The following REV3L variants were observed in gnomAD, a reference collection of about 807,000 sequenced individuals.
REV3L encodes DNA polymerase zeta catalytic subunit.
REV3L carries 69 observed loss-of-function variants against 299.4 expected under a neutral mutation model. The observed-to-expected ratio is 0.23, with a 90% CI of 0.19 to 0.28. The LOEUF (loss-of-function observed/expected upper bound fraction) is 0.28. Among genes scored for constraint, REV3L ranks in the 10% least tolerant of loss-of-function variants. REV3L has a pLI of 1.00. For missense variants in REV3L, 3,128 were observed against 3,693.8 expected (o/e 0.85, Z 3.97); for synonymous variants, 1,238 against 1,271.4 (o/e 0.97, Z 0.56).
Position 111,373,922 on chromosome 6 carries a change from C to T in REV3L, c.4433G>A (p.Gly1478Asp), listed in dbSNP as rs769725622. The change falls in exon 13 of 32, where the codon GGC becomes GAC. Residue 1478 changes from glycine to aspartate, a missense_variant. Around this residue, in one of 9 missense-constraint regions of REV3L, gnomAD observed 2,409 missense variants for 2,611.8 expected, o/e 0.92. Transcript: ENST00000368802. ...AAAATTTGACATATCTAAAATAAAG[C>T]CCCTTTGCTTTTGCTCCCATGCTAT... ...KQIAWEQKQR[G>D]FILDMSNFKP... 5 of 1,614,004 alleles carry T rather than the reference C, an allele frequency of 3.1e-6. No individual in the cohort carries two copies. The South Asian group carries it at 4.4e-5, about 14-fold the overall frequency.
intron 25 of REV3L, among the ~76,000 whole-genome samples, chr6:111,326,185 A>C (rs1471570855): frequency 2.0e-5 from 3 of 152,220 alleles, no homozygotes; most frequent in African/African-American, 7.2e-5. Context: ...TAATCAACAA[A>C]GTGAAGAGAC....
chr6:111,381,132 A>T (rs1294402122), intron 10 of REV3L, among the ~76,000 whole-genome samples, 193 bp downstream of exon 10: 1 of 152,176 alleles, frequency 6.6e-6, no homozygotes, highest in Non-Finnish European at 1.5e-5. Flanking sequence ...TCTTTCACAA[A>T]TTTTTTTAAG....
intron 4 of REV3L, among the ~76,000 whole-genome samples, chr6:111,395,130 C>T (rs374933316): frequency 8.5e-5 from 13 of 152,200 alleles, no homozygotes; most frequent in African/African-American, 3.1e-4. Context: ...ATCGTTTTGA[C>T]CTCAGGTAAT....
chr6:111,381,502 A>C, intron 9 of REV3L, 58 bp from the exon 10 acceptor site: 2 of 1,464,634 alleles, frequency 1.4e-6, no homozygotes, highest in Non-Finnish European at 9.3e-7. Context: ...AAAATTTATC[A>C]TTTAGAATTT....
In REV3L at chr6:111,309,956, A is replaced by G; in HGVS notation, c.8939T>C (p.Leu2980Pro). 1 of 1,614,154 alleles carries G rather than the reference A, an allele frequency of 6.2e-7. No individual in the cohort carries two copies. The highest frequency in any genetic ancestry group is 1.1e-5 in the South Asian group (1 of 91,084). The change falls in exon 30 of 32, where the codon CTG (leucine) becomes CCG (proline). Residue 2980 changes from leucine to proline, a missense_variant. Physicochemically the swap from Leu to Pro is moderately conservative, Grantham distance 98 (BLOSUM62 -3). Around this residue, in one of 9 missense-constraint regions of REV3L, gnomAD observed 294 missense variants for 377.0 expected, o/e 0.78. Coordinates refer to ENST00000368802, the MANE Select transcript of REV3L (RefSeq NM_001372078.1). ...VEVLQDPTLR[L>P]NATYYITKQI... Reference sequence around the variant, plus strand: ...CTTGGTAATATAGTAAGTAGCATTCAGTCTCAGAGTTGGGTCCTGCAGGAC... The same window carrying G: ...CTTGGTAATATAGTAAGTAGCATTCGGTCTCAGAGTTGGGTCCTGCAGGAC...
Position 111,299,258 on chromosome 6 carries a change from T to G in REV3L, c.*758A>C, listed in dbSNP as rs561085973. 2 of 152,578 alleles carry G rather than the reference T, an allele frequency of 1.3e-5. No homozygotes were observed. The highest frequency in any genetic ancestry group is 3.8e-4 in the East Asian group (2 of 5,200). 9.5% of individuals were successfully genotyped at this position (152,578 alleles called of 1,614,324 possible). On this transcript the variant is annotated 3_prime_UTR_variant, in exon 32 of 32. Transcript: ENST00000368802. ...ATATTTTAAGTATATTTAGAAGCAA[T>G]AGAAATGTCTATACAAAACAAGCAA...
At chr6:111,439,854 C>T (rs920392154) in intron 1 of REV3L, among the ~76,000 whole-genome samples, 11 of 152,170 alleles carry the variant, frequency 7.2e-5, no homozygotes, top group African/African-American at 2.7e-4. Context: ...GGCCCAATTC[C>T]TCTTCAAGAC....
Position 111,310,428 on chromosome 6 carries a change from G to A in REV3L, c.8796-329C>T, listed in dbSNP as rs563542588. 94 of 172,040 alleles carry A rather than the reference G, an allele frequency of 5.5e-4. 3 individuals are homozygous for A. In the East Asian group the frequency reaches 0.014, roughly 26 times the overall value. 10.7% of individuals were successfully genotyped at this position (172,040 alleles called of 1,614,324 possible). A position where few individuals can be genotyped will look rare whatever the true frequency, so the allele number is the denominator to read the frequency against. On this transcript the variant is annotated intron_variant, in intron 29 of 31. Transcript: ENST00000368802. Reference sequence around the variant, plus strand: ...AATTCCAGCACTTTGGGAGGCCAAGGATCACCTGAGCCCAGGAGTTTGAGA... The same window carrying A: ...AATTCCAGCACTTTGGGAGGCCAAGAATCACCTGAGCCCAGGAGTTTGAGA...
chr6:111,316,406 G>A (rs1336097262), intron 26 of REV3L, among the ~76,000 whole-genome samples: 1 of 151,774 alleles, frequency 6.6e-6, no homozygotes, highest in Admixed American at 6.6e-5. Context: ...GCTCACACCT[G>A]TAATCCCAGC....
At chr6:111,391,786 C>T (rs1024773085) in intron 5 of REV3L, among the ~76,000 whole-genome samples, 6 of 152,140 alleles carry the variant, frequency 3.9e-5, no homozygotes, top group Non-Finnish European at 8.8e-5. Flanking sequence ...GTCCCAGATA[C>T]TTGGGAGGCT....
chr6:111,413,346 T>C (rs1784441778), intron 2 of REV3L, among the ~76,000 whole-genome samples: 1 of 152,134 alleles, frequency 6.6e-6, no homozygotes, highest in African/African-American at 2.4e-5. Context: ...TAAAAAATTA[T>C]ATCTCGTAAT....
intron 29 of REV3L, 187 bp downstream of exon 29, chr6:111,310,882 A>G (rs1772899841): frequency 2.3e-6 from 1 of 439,414 alleles, no homozygotes; most frequent in East Asian, 3.3e-5. Flanking sequence ...GGAAAGCCCA[A>G]AAGAGGATTT....
intron 9 of REV3L, among the ~76,000 whole-genome samples, chr6:111,387,279 A>G (rs942589089): frequency 2.0e-5 from 3 of 152,198 alleles, no homozygotes; most frequent in Admixed American, 1.3e-4. Flanking sequence ...GGAAATAGGC[A>G]TAACTGTAAA....
chr6:111,396,549 A>G (rs1229042778), intron 4 of REV3L, among the ~76,000 whole-genome samples: 2 of 152,110 alleles, frequency 1.3e-5, no homozygotes, highest in African/African-American at 4.8e-5. Flanking sequence ...TTTCTAGACT[A>G]GTTTGAGAAG....
chr6:111,336,239 CAAT>C (rs1775885079), intron 21 of REV3L, among the ~76,000 whole-genome samples: 1 of 151,770 alleles, frequency 6.6e-6, no homozygotes, highest in Non-Finnish European at 1.5e-5. Context: ...AGAAAACAAA[CAAT>C]AAAACCCTCA....
chr6:111,331,270 T>C (rs976585567), intron 24 of REV3L, among the ~76,000 whole-genome samples: 1 of 152,186 alleles, frequency 6.6e-6, no homozygotes, highest in Non-Finnish European at 1.5e-5. Context: ...AATTCTAAGA[T>C]AGTCTTAATT....
chr6:111,301,450 A>G (rs1771513474), intron 31 of REV3L, among the ~76,000 whole-genome samples: 1 of 152,172 alleles, frequency 6.6e-6, no homozygotes, highest in African/African-American at 2.4e-5. Context: ...CTCAAGGGGC[A>G]TCAAGGAACC....
At chr6:111,431,653 T>C in intron 1 of REV3L, 1 of 858,582 alleles carries the variant, frequency 1.2e-6, no homozygotes, top group Non-Finnish European at 2.0e-6. Context: ...CATAAGCACA[T>C]ACGGAGTTTG....
rs1582753306 is a variant in REV3L, at chr6:111,376,161, G to A, written c.2194C>T (p.Leu732=). Residue 732 remains leucine (L), a synonymous_variant, in exon 13 of 32, where the codon CTG becomes TTG. Coordinates refer to ENST00000368802, the MANE Select transcript of REV3L (RefSeq NM_001372078.1). ...AATGATGAAGGGAATAAACTACTCA[G>A]AGCTGTGCTGTTTCCTTTTTCATTT... ...EGNEKGNSTA[L]SSLFPSSFTE... 1.2e-6 allele frequency: 2 copies of A among 1,612,386 alleles called. No homozygotes were observed. The highest frequency in any genetic ancestry group is 1.7e-6 in the Non-Finnish European group (2 of 1,179,866).
Sources: allele counts gnomAD v4.1 joint callset (sites outside exome capture counted in the v4.1 genomes callset), GRCh38; gene constraint gnomAD v4.1.1; regional missense constraint gnomAD v4.1.1; transcripts MANE v1.5; gene names NCBI Gene and HGNC (gene_info 2026-07-23, HGNC 2026-07-21).